Variants in MGST2 observed in about 807,000 individuals in gnomAD.
MGST2 encodes the protein glutathione peroxidase MGST2.
In MGST2, 9 loss-of-function variants were observed where a neutral mutation model predicts 16.6. The observed-to-expected ratio is 0.54, with a 90% CI of 0.33 to 0.95. MGST2 has a LOEUF of 0.95. Among genes scored for constraint, MGST2 ranks in the 40% least tolerant of loss-of-function variants. The probability of loss-of-function intolerance (pLI) is 0.03; values close to 1 mark genes in which losing one functional copy is unlikely to be tolerated. For synonymous variants in MGST2, 79 were observed against 68.0 expected (o/e 1.16, Z -0.79); for missense variants, 159 against 175.1 (o/e 0.91, Z 0.52).
intron 3 of MGST2, among the ~76,000 whole-genome samples, chr4:139,702,867 T>TTTTTTTTTTTTTTTTTC (rs767366469): frequency 7.5e-5 from 10 of 132,452 alleles, no homozygotes; most frequent in African/African-American, 2.4e-4. Flanking sequence ...TTTTTTTTTT[T>TTTTTTTTTTTTTTTTTC]TTTACAATTT....
intron 3 of MGST2, 88 bp from the exon 4 acceptor site, chr4:139,703,367 G>C (rs1051422925): frequency 9.3e-7 from 1 of 1,075,190 alleles, no homozygotes. Flanking sequence ...TATATGTTTT[G>C]TGAATATTTT....
chr4:139,704,074 C>G lies in MGST2; in HGVS notation c.370C>G (p.Leu124Val), dbSNP rs770595699. 3.1e-6 allele frequency: 5 copies of G among 1,614,020 alleles called. No homozygotes were observed. In the African/African-American group the frequency reaches 6.7e-5, roughly 22 times the overall value. Residue 124 changes from leucine (L) to valine (V), a missense_variant, in exon 5 of 5, where the codon CTG (leucine) becomes GTG (valine). Physicochemically the swap from Leu to Val is conservative, Grantham distance 32. Coordinates refer to ENST00000265498, the MANE Select transcript of MGST2 (RefSeq NM_002413.5). ...ILALLTLLGALGIANSFLDEY... is the reference protein window; with the variant it reads ...ILALLTLLGAVGIANSFLDEY... ...GGCCTTGTTGACCCTCCTAGGTGCC[C>G]TGGGAATTGCAAACAGCTTTCTGGA...
chr4:139,696,146 C>G (rs929366777), intron 3 of MGST2, among the ~76,000 whole-genome samples: 1 of 152,034 alleles, frequency 6.6e-6, no homozygotes, highest in Admixed American at 6.5e-5. Context: ...ATCATTTTCA[C>G]GTTGAGTAAG....
chr4:139,689,127 A>AG (rs1726425090), intron 2 of MGST2, among the ~76,000 whole-genome samples: 1 of 150,444 alleles, frequency 6.6e-6, no homozygotes, highest in Non-Finnish European at 1.5e-5. Context: ...AAAAAAAAAA[A>AG]AGGGATCTCC....
chr4:139,741,621 C>T (rs559720598), downstream of MGST2, among the ~76,000 whole-genome samples: 2 of 152,126 alleles, frequency 1.3e-5, no homozygotes, highest in African/African-American at 4.8e-5. Flanking sequence ...GTGGTGTGCA[C>T]CTGTAGTCCC....
At chr4:139,713,899 C>T (rs190403188) in intron 5 of MGST2, among the ~76,000 whole-genome samples, 15 of 152,316 alleles carry the variant, frequency 9.8e-5, no homozygotes, top group East Asian at 5.8e-4. Flanking sequence ...TATAGCAAAG[C>T]GTGGTCTCCA....
downstream of MGST2, among the ~76,000 whole-genome samples, chr4:139,741,608 A>G (rs2320533): frequency 0.79 from 119,394 of 151,866 alleles, 47,388 homozygotes; most frequent in Middle Eastern, 0.88. Flanking sequence ...TTAGCTGGGC[A>G]TGGTGGTGTG....
chr4:139,719,227 CA>C, intron 5 of MGST2: 6 of 1,431,376 alleles, frequency 4.2e-6, no homozygotes, highest in East Asian at 2.4e-5. Context: ...TTACGTGGGT[CA>C]AAAAAACAAA....
At chr4:139,669,694 C>T (rs960077391) in intron 1 of MGST2, among the ~76,000 whole-genome samples, 5 of 152,234 alleles carry the variant, frequency 3.3e-5, no homozygotes, top group Admixed American at 6.5e-5. Flanking sequence ...CCTTCACCCT[C>T]TGAAGGTTCA....
downstream of MGST2, chr4:139,704,275 T>C (rs1187980502): frequency 2.5e-6 from 3 of 1,183,602 alleles, no homozygotes. Flanking sequence ...AAACACACAC[T>C]TTAGAGAATA....
At chr4:139,744,215 G>A (rs145114006), downstream of MGST2, among the ~76,000 whole-genome samples, 818 of 152,304 alleles carry the variant, frequency 5.4e-3, 5 homozygotes, top group African/African-American at 0.019. Context: ...ACCTAATAGA[G>A]GTTCAGGGAT....
intron 1 of MGST2, among the ~76,000 whole-genome samples, chr4:139,676,687 C>T (rs1337089628): frequency 6.6e-6 from 1 of 152,226 alleles, no homozygotes; most frequent in African/African-American, 2.4e-5. Context: ...GACCAAACAA[C>T]TAGGCACCGT....
intron 1 of MGST2, among the ~76,000 whole-genome samples, chr4:139,667,818 A>G (rs1318729671): frequency 1.3e-5 from 2 of 152,106 alleles, no homozygotes; most frequent in African/African-American, 4.8e-5. Flanking sequence ...AGATCACAGC[A>G]CTACACTCCA....
chr4:139,722,770 C>G (rs1426875101), intron 5 of MGST2, among the ~76,000 whole-genome samples: 1 of 152,184 alleles, frequency 6.6e-6, no homozygotes, highest in Non-Finnish European at 1.5e-5. Flanking sequence ...GGTTCTCATG[C>G]AAGTTATACC....
chr4:139,725,739 C>A, intron 5 of MGST2: 5 of 1,613,448 alleles, frequency 3.1e-6, no homozygotes, highest in East Asian at 2.2e-5. Flanking sequence ...AGAGAGGTTG[C>A]ACTGGCCTCA....
At chr4:139,684,740 G>A (rs980838896) in intron 2 of MGST2, among the ~76,000 whole-genome samples, 1 of 152,188 alleles carries the variant, frequency 6.6e-6, no homozygotes, top group Non-Finnish European at 1.5e-5. Context: ...TTTTGAGAGT[G>A]CAGTAGTAAA....
intron 1 of MGST2, among the ~76,000 whole-genome samples, chr4:139,673,063 C>T (rs192838741): frequency 8.0e-4 from 121 of 152,120 alleles, no homozygotes; most frequent in East Asian, 1.7e-3. Flanking sequence ...CAGGGAGAGA[C>T]CCAAACTATA....
At chr4:139,745,645 A>G (rs958607460), downstream of MGST2, among the ~76,000 whole-genome samples, 28 of 152,240 alleles carry the variant, frequency 1.8e-4, no homozygotes, top group African/African-American at 6.5e-4. Context: ...CCCAGTCCAC[A>G]TGGCTACCAG....
intron 1 of MGST2, among the ~76,000 whole-genome samples, chr4:139,666,603 G>C (rs1159082202): frequency 1.3e-5 from 2 of 152,132 alleles, no homozygotes; most frequent in African/African-American, 4.8e-5. Flanking sequence ...TAAGTAATTA[G>C]CTCTAAATTT....
Sources: gnomAD v4.1 joint callset for allele counts (sites outside exome capture counted in the v4.1 genomes callset) on GRCh38, gnomAD v4.1.1 for gene constraint, MANE v1.5 for transcripts, NCBI Gene and HGNC (gene_info 2026-07-23, HGNC 2026-07-21) for gene names.